The following FLACC1 variants were observed in gnomAD, a reference collection of about 807,000 sequenced individuals.
The protein encoded by FLACC1 is flagellum associated containing coiled-coil domains 1, also known as flagellum-associated coiled-coil domain-containing protein 1.
In FLACC1, 66 loss-of-function variants were observed where a neutral mutation model predicts 62.8. The ratio of observed to expected loss-of-function variants is 1.05; its 90% CI spans 0.86 to 1.29. FLACC1 has a LOEUF of 1.29. FLACC1 is among the 50% of genes most tolerant of loss of function. The probability of loss-of-function intolerance (pLI) is 0.00; values close to 1 mark genes in which losing one functional copy is unlikely to be tolerated. For missense variants in FLACC1, 452 were observed against 489.1 expected (o/e 0.92, Z 0.71); for synonymous variants, 156 against 161.0 (o/e 0.97, Z 0.24).
In FLACC1 at chr2:201,289,722, A is replaced by C. The variant is rs1272902545; in HGVS notation, c.1006T>G (p.Tyr336Asp). ...ILESLNTNLY[Y>D]TQLELQKEKA... ...TCTTTCTGGAGTTCCAACTGGGTAT[A>C]GTAGAGGTTTGTGTTCAGTGACTCT... The change falls in exon 13 of 15, where the codon TAT becomes GAT. Residue 336 changes from tyrosine (Y) to aspartate (D), a missense_variant. By Grantham distance (160) the Tyr-to-Asp change is radical (BLOSUM62 -3). Coordinates refer to ENST00000392257, the MANE Select transcript of FLACC1 (RefSeq NM_001127391.3). 1 of 1,614,136 alleles carries C rather than the reference A, an allele frequency of 6.2e-7. No individual in the cohort carries two copies. Among genetic ancestry groups the C allele is most frequent in the Admixed American group, 1.7e-5 (1 of 60,034 alleles).
In FLACC1 at chr2:201,322,742, C is replaced by T. The variant is rs549609805; in HGVS notation, c.675+7728G>A. Among the ~76,000 whole-genome samples the T allele has an allele frequency of 4.3e-4, 65 of 151,998 alleles. No homozygotes were observed. In the South Asian group the frequency reaches 6.0e-3, roughly 14 times the overall value. ...CTCCAGCAATGGATCCAAAGTAGGA[C>T]GAACTCTTTAAAATACCAGATAAGG... On this transcript the variant is annotated intron_variant, in intron 9 of 14. Coordinates refer to ENST00000392257, the MANE Select transcript of FLACC1 (RefSeq NM_001127391.3).
upstream of FLACC1, among the ~76,000 whole-genome samples, chr2:201,361,447 C>T (rs557241411): frequency 1.1e-4 from 16 of 152,324 alleles, 1 homozygote; most frequent in South Asian, 3.1e-3. Context: ...GCTGAGCACC[C>T]ATTTTTTGCT....
chr2:201,317,900 A>G (rs1950334724), intron 9 of FLACC1, among the ~76,000 whole-genome samples: 1 of 152,262 alleles, frequency 6.6e-6, no homozygotes, highest in African/African-American at 2.4e-5. Flanking sequence ...ATATAGGCAC[A>G]TAGACCAATG....
chr2:201,293,488 C>T (rs1196945082), intron 12 of FLACC1, among the ~76,000 whole-genome samples: 1 of 152,172 alleles, frequency 6.6e-6, no homozygotes, highest in African/African-American at 2.4e-5. Context: ...AACAAAGACA[C>T]AACATACCAG....
At chr2:201,332,339 C>G (rs565589167) in intron 7 of FLACC1, among the ~76,000 whole-genome samples, 1 of 152,102 alleles carries the variant, frequency 6.6e-6, no homozygotes, top group South Asian at 2.1e-4. Context: ...ACCTTCGCCT[C>G]CTGGGCTCAA....
At position 201,341,392 on chromosome 2, in the gene FLACC1, C is replaced by CATATAT. The variant is rs36018666; in HGVS notation, c.524+972_524+977dup. Among the ~76,000 whole-genome samples, 5 of 146,138 alleles carry CATATAT rather than the reference C, an allele frequency of 3.4e-5. No individual in the cohort carries two copies. The East Asian group carries it at 6.0e-4, about 17-fold the overall frequency. ...GTATACAACATGATGTCATAAGATT[C>CATATAT]ATATATATATATATATATAAATCAT... On this transcript the variant is annotated intron_variant, in intron 7 of 14. Coordinates refer to ENST00000392257, the MANE Select transcript of FLACC1 (RefSeq NM_001127391.3).
chr2:201,306,782 C>T (rs1473110420), intron 11 of FLACC1, among the ~76,000 whole-genome samples: 2 of 149,552 alleles, frequency 1.3e-5, no homozygotes, highest in Non-Finnish European at 3.0e-5. Flanking sequence ...ACATGTATAT[C>T]TGGCAAAAAA....
At position 201,357,321 on chromosome 2, in the gene FLACC1, A is replaced by G. The variant is rs1951136131; in HGVS notation, c.-387T>C. ...AGGAGAAGGTCACCCCACCATTCAGATTCCTGTGACTTGGGCCTGAGTTGT... is the reference window on the plus strand; with the variant it reads ...AGGAGAAGGTCACCCCACCATTCAGGTTCCTGTGACTTGGGCCTGAGTTGT... On this transcript the variant is annotated 5_prime_UTR_variant, in exon 1 of 15. Transcript: ENST00000392257. 1 of 152,246 alleles carries G rather than the reference A, an allele frequency of 6.6e-6. No individual in the cohort carries two copies. Among genetic ancestry groups the G allele is most frequent in the Non-Finnish European group, 1.5e-5 (1 of 68,046 alleles). The allele number at this position is 152,246 out of a possible 1,614,324, so 9.4% of individuals were successfully genotyped here.
chr2:201,355,776 T>C lies in FLACC1; in HGVS notation c.-48+1206A>G, dbSNP rs528436736. On this transcript the variant is annotated intron_variant, in intron 1 of 14. Transcript: ENST00000392257. ...TTGGCAGGTGGTGCGGGAGGATCAC[T>C]TGAGGCCAGGAGTTTGAAGTTGCAG... Among the ~76,000 whole-genome samples the C allele has an allele frequency of 1.6e-4, 25 of 152,226 alleles. No individual in the cohort carries two copies. The South Asian group carries it at 5.2e-3, about 32-fold the overall frequency.
chr2:201,299,567 C>T (rs535050062), intron 11 of FLACC1, among the ~76,000 whole-genome samples: 1 of 152,326 alleles, frequency 6.6e-6, no homozygotes, highest in African/African-American at 2.4e-5. Flanking sequence ...AGATTCAATA[C>T]TCTTAAGAAT....
chr2:201,334,926 T>G (rs1036203284), intron 7 of FLACC1, among the ~76,000 whole-genome samples: 9 of 152,016 alleles, frequency 5.9e-5, no homozygotes, highest in South Asian at 2.1e-4. Context: ...CAGGTCTGGG[T>G]TTTTTTTGGA....
Position 201,346,170 on chromosome 2 carries a change from A to C in FLACC1, c.368+372T>G, listed in dbSNP as rs1353205442. ...GCAGAGAGAGACTCTGTCTCAAAAA[A>C]AAAAGTGCACTCCAGCCACCCAGAA... On this transcript the variant is annotated intron_variant, in intron 5 of 14. Coordinates refer to ENST00000392257, the MANE Select transcript of FLACC1 (RefSeq NM_001127391.3). The surrounding 1 kb of genome is among the most constrained non-coding windows in gnomAD (Gnocchi z 4.0). Among the ~76,000 whole-genome samples, 2 of 152,126 alleles carry C rather than the reference A, an allele frequency of 1.3e-5. No homozygotes were observed. Among genetic ancestry groups the C allele is most frequent in the African/African-American group, 4.8e-5 (2 of 41,428 alleles).
At chr2:201,304,182 C>T (rs1218479772) in intron 11 of FLACC1, among the ~76,000 whole-genome samples, 2 of 152,080 alleles carry the variant, frequency 1.3e-5, no homozygotes, top group Non-Finnish European at 2.9e-5. Context: ...CTAGAAAACC[C>T]CATCATCTCT....
intron 11 of FLACC1, among the ~76,000 whole-genome samples, chr2:201,306,293 G>A (rs1286787601): frequency 1.3e-5 from 2 of 151,964 alleles, no homozygotes; most frequent in South Asian, 2.1e-4. Context: ...TCACTATCAC[G>A]AGAACAGAAA....
intron 7 of FLACC1, among the ~76,000 whole-genome samples, chr2:201,332,194 G>A (rs1231549895): frequency 2.0e-5 from 3 of 151,828 alleles, no homozygotes; most frequent in East Asian, 3.9e-4. Flanking sequence ...AATACAATGT[G>A]GAATAATGAA....
chr2:201,293,816 G>A (rs10180832), intron 12 of FLACC1, among the ~76,000 whole-genome samples: 15,814 of 114,230 alleles, frequency 0.14, 1,330 homozygotes, highest in South Asian at 0.32. Context: ...TCAAATAGAC[G>A]CAAAAAAAAA....
chr2:201,352,338 C>A (rs72934991), intron 1 of FLACC1, among the ~76,000 whole-genome samples: 13,477 of 152,122 alleles, frequency 0.089, 727 homozygotes, highest in African/African-American at 0.14. Context: ...CCCTGGCTCC[C>A]AAAAAACAAA....
upstream of FLACC1, among the ~76,000 whole-genome samples, chr2:201,357,929 A>C (rs1951144629): frequency 6.6e-6 from 1 of 152,192 alleles, no homozygotes; most frequent in African/African-American, 2.4e-5. Context: ...CAAATTTTGT[A>C]ATAAAAAAAT....
chr2:201,323,408 T>C (rs181369431), intron 9 of FLACC1, among the ~76,000 whole-genome samples: 26 of 152,302 alleles, frequency 1.7e-4, no homozygotes, highest in African/African-American at 5.8e-4. Flanking sequence ...GCAGAAACCT[T>C]ACAAGCCAGA....
Sources: gnomAD v4.1 joint callset for allele counts (sites outside exome capture counted in the v4.1 genomes callset) on GRCh38, gnomAD v4.1.1 for gene constraint, Gnocchi (gnomAD v3.1) non-coding constraint, MANE v1.5 for transcripts, NCBI Gene and HGNC (gene_info 2026-07-23, HGNC 2026-07-21) for gene names.